The following COL5A1 variants were observed in gnomAD, a reference collection of about 807,000 sequenced individuals.
COL5A1 encodes the protein collagen alpha-1(V) chain.
A neutral mutation model predicts 263.7 loss-of-function variants in COL5A1; 16 were observed. The ratio of observed to expected loss-of-function variants is 0.06; its 90% CI spans 0.04 to 0.09. The LOEUF is 0.09. Among genes scored for constraint, COL5A1 ranks in the 10% least tolerant of loss-of-function variants. The probability of loss-of-function intolerance (pLI) is 1.00; values close to 1 mark genes in which losing one functional copy is unlikely to be tolerated. For synonymous variants in COL5A1, 1,012 were observed against 1,004.5 expected, an observed-to-expected ratio of 1.01 and a Z score of -0.14; for missense variants, 2,036 against 2,540.5, an observed-to-expected ratio of 0.80 and a Z score of 4.27.
intron 2 of COL5A1, among the ~76,000 whole-genome samples, chr9:134,695,155 C>G (rs1163032178): frequency 6.6e-6 from 1 of 152,140 alleles, no homozygotes; most frequent in African/African-American, 2.4e-5. Context: ...TCTGTAGGTG[C>G]CTTTTCCTCC....
intron 18 of COL5A1, among the ~76,000 whole-genome samples, chr9:134,759,271 T>TGCACACACA (rs1171233404): frequency 0.12 from 15,107 of 131,134 alleles, 1,284 homozygotes; most frequent in East Asian, 0.28. Flanking sequence ...CACACACTCA[T>TGCACACACA]ACACACATGC....
At chr9:134,793,978 A>C (rs1410288926) in intron 32 of COL5A1, among the ~76,000 whole-genome samples, 1 of 152,214 alleles carries the variant, frequency 6.6e-6, no homozygotes, top group Non-Finnish European at 1.5e-5. Context: ...TGATGAGCGG[A>C]AACTTATCTG....
rs375471137 is a variant in COL5A1, at chr9:134,796,216, C to T, written c.2800-158C>T. 3.3e-5 allele frequency among the ~76,000 whole-genome samples: 5 copies of T among 152,226 alleles called. No homozygotes were observed. The East Asian group carries it at 7.7e-4, about 23-fold the overall frequency. Reference sequence around the variant, plus strand: ...GCAGGCTTTGATAGCCACAGATCAGCGCCAATGCCTTCTGCCCCTTACTGA... The same window carrying T: ...GCAGGCTTTGATAGCCACAGATCAGTGCCAATGCCTTCTGCCCCTTACTGA... On this transcript the variant is annotated intron_variant, in intron 34 of 65. Coordinates refer to ENST00000371817, the MANE Select transcript of COL5A1 (RefSeq NM_000093.5).
Position 134,833,498 on chromosome 9 carries a change from C to T in COL5A1, c.5137-1473C>T, listed in dbSNP as rs563674062. Among the ~76,000 whole-genome samples the T allele has an allele frequency of 5.5e-3, 841 of 152,276 alleles. 6 individuals carry two copies. Among genetic ancestry groups the T allele is most frequent in the Middle Eastern group, 0.014 (4 of 294 alleles). ...GGGCTGACCTTTGGCACAGGCAGGGCAGGCAGATGGAGCCACTCCTGTCTC... is the reference window on the plus strand; with the variant it reads ...GGGCTGACCTTTGGCACAGGCAGGGTAGGCAGATGGAGCCACTCCTGTCTC... On this transcript the variant is annotated intron_variant, in intron 64 of 65. Transcript: ENST00000371817.
chr9:134,784,880 C>A, intron 29 of COL5A1, 109 bp from the exon 30 acceptor site: 1 of 900,280 alleles, frequency 1.1e-6, no homozygotes, highest in Non-Finnish European at 1.8e-6. Context: ...GCAGCTCTGA[C>A]CACAGGGTGC....
chr9:134,734,928 C>T (rs970585101), intron 9 of COL5A1, among the ~76,000 whole-genome samples: 15 of 152,070 alleles, frequency 9.9e-5, no homozygotes, highest in African/African-American at 2.2e-4. Flanking sequence ...TGTATGCATT[C>T]GGCCGGGTGC....
intron 65 of COL5A1, among the ~76,000 whole-genome samples, chr9:134,836,279 G>A (rs1016244713): frequency 6.6e-6 from 1 of 152,182 alleles, no homozygotes; most frequent in African/African-American, 2.4e-5. Flanking sequence ...GCCAGTGTGT[G>A]GAATGCACAG....
chr9:134,730,566 G>T (rs770257992), intron 7 of COL5A1, 91 bp downstream of exon 7: 2 of 1,575,838 alleles, frequency 1.3e-6, no homozygotes, highest in Non-Finnish European at 1.7e-6. Context: ...TCTTACTCCA[G>T]TTCTCACCTT....
rs1309500341 is a variant in COL5A1 at position 134,742,516 on chromosome 9, T to C, written c.1494+3708T>C. ...CTGGGGCAATGTGCCCGCAGGGAGA[T>C]AGAGGTAGACCTGGGGTTGAACTCA... is the stretch of plus-strand genomic sequence containing the variant. On this transcript the variant is annotated intron_variant, in intron 11 of 65. Transcript: ENST00000371817. This position sits in a 1 kb window ranked among gnomAD's most constrained non-coding sequence, Gnocchi z 4.6. Among the ~76,000 whole-genome samples, 1 of 152,030 alleles carries C rather than the reference T, an allele frequency of 6.6e-6. No individual in the cohort carries two copies. Among genetic ancestry groups the C allele is most frequent in the Non-Finnish European group, 1.5e-5 (1 of 68,006 alleles).
chr9:134,786,525 G>C (rs1476803150), intron 31 of COL5A1, among the ~76,000 whole-genome samples: 2 of 152,086 alleles, frequency 1.3e-5, no homozygotes, highest in African/African-American at 4.8e-5. Flanking sequence ...TTTTCCCCTG[G>C]GTTGTCCATA....
chr9:134,715,259 C>T (rs1027675987), intron 4 of COL5A1, among the ~76,000 whole-genome samples: 8 of 152,088 alleles, frequency 5.3e-5, no homozygotes, highest in South Asian at 2.1e-4. Context: ...CATACATAAA[C>T]GTATCTGGTG....
chr9:134,830,101 C>A (rs746648109), intron 64 of COL5A1, 57 bp downstream of exon 64: 1 of 1,613,310 alleles, frequency 6.2e-7, no homozygotes, highest in Admixed American at 1.7e-5. Context: ...CATCTCGTAT[C>A]TTACAGAGTA....
chr9:134,704,852 C>T (rs1833788497), intron 4 of COL5A1, among the ~76,000 whole-genome samples: 1 of 151,900 alleles, frequency 6.6e-6, no homozygotes, highest in Admixed American at 6.6e-5. Context: ...CCTCAGAGTC[C>T]CAGCCACCTT....
chr9:134,778,742 C>T (rs1201837238), intron 27 of COL5A1, among the ~76,000 whole-genome samples: 1 of 152,252 alleles, frequency 6.6e-6, no homozygotes, highest in East Asian at 1.9e-4. Flanking sequence ...AGGTGTGAAG[C>T]AGACATGACT....
At chr9:134,748,745 T>C (rs1399166169) in intron 11 of COL5A1, among the ~76,000 whole-genome samples, 1 of 152,160 alleles carries the variant, frequency 6.6e-6, no homozygotes, top group Non-Finnish European at 1.5e-5. Context: ...ACTTACCTAG[T>C]AGAATATGTT....
chr9:134,725,642 C>T (rs777041399), intron 4 of COL5A1, among the ~76,000 whole-genome samples: 23 of 152,190 alleles, frequency 1.5e-4, no homozygotes, highest in Non-Finnish European at 2.6e-4. Context: ...ATTGTTTACA[C>T]ATCATGGTTA....
At chr9:134,813,364 C>G (rs1159243266) in intron 48 of COL5A1, among the ~76,000 whole-genome samples, 2 of 152,174 alleles carry the variant, frequency 1.3e-5, no homozygotes, top group Non-Finnish European at 2.9e-5. Flanking sequence ...GCCCCCTGTG[C>G]ACCGTTTCCA....
chr9:134,646,220 A>C (rs1831470609), intron 1 of COL5A1, among the ~76,000 whole-genome samples: 1 of 152,140 alleles, frequency 6.6e-6, no homozygotes, highest in Non-Finnish European at 1.5e-5. Context: ...CCAGGAGCTC[A>C]CAGTCTGACA....
intron 26 of COL5A1, 114 bp downstream of exon 26, chr9:134,772,948 C>T: frequency 1.8e-6 from 2 of 1,116,660 alleles, no homozygotes; most frequent in Non-Finnish European, 2.7e-6. Context: ...GAGCCGGGGA[C>T]ACTCAGCCCT....
Sources: gnomAD v4.1 joint callset for allele counts (sites outside exome capture counted in the v4.1 genomes callset) on GRCh38, gnomAD v4.1.1 for gene constraint, Gnocchi (gnomAD v3.1) non-coding constraint, MANE v1.5 for transcripts, NCBI Gene and HGNC (gene_info 2026-07-23, HGNC 2026-07-21) for gene names.